MORC4: variants seen among roughly 807,000 people sequenced by gnomAD.
The protein encoded by MORC4 is MORC family CW-type zinc finger protein 4.
A neutral mutation model predicts 65.5 loss-of-function variants in MORC4; 22 were observed. The ratio of observed to expected loss-of-function variants is 0.34; its 90% CI spans 0.24 to 0.48. The LOEUF (loss-of-function observed/expected upper bound fraction) is 0.48. Ranked by LOEUF, MORC4 falls within the 20% of genes least tolerant of loss-of-function variation. The probability of loss-of-function intolerance (pLI) is 0.99; values close to 1 mark genes in which losing one functional copy is unlikely to be tolerated. For synonymous variants in MORC4, 267 were observed against 255.8 expected, an observed-to-expected ratio of 1.04 and a Z score of -0.42; for missense variants, 624 against 703.0, an observed-to-expected ratio of 0.89 and a Z score of 1.27.
chrX:106,960,477 T>C (rs1367377123), intron 10 of MORC4, among the ~76,000 whole-genome samples: 1 of 111,897 alleles, frequency 8.9e-6, no homozygotes, highest in Non-Finnish European at 1.9e-5. Context: ...ACCTTAGTTC[T>C]ACCACTTGCT....
At chrX:106,954,546 T>C (rs1363262157) in intron 14 of MORC4, among the ~76,000 whole-genome samples, 1 of 112,470 alleles carries the variant, frequency 8.9e-6, no homozygotes, top group Non-Finnish European at 1.9e-5. Flanking sequence ...TCAATATCCA[T>C]ATACTGAAGA....
rs758086567 is a variant in MORC4 at position 106,943,117 on chromosome X, T to C, written c.1774A>G (p.Met592Val). The C allele has an allele frequency of 8.3e-7, 1 of 1,211,070 alleles. No homozygotes were observed. The highest frequency in any genetic ancestry group is 1.1e-6 in the Non-Finnish European group (1 of 894,693). ...TCTACCCTCCTGTAAGGAGCAGGCA[T>C]GGAATAATCTAGAGAAGGTGTTGTC... is the stretch of plus-strand genomic sequence containing the variant. ...EMTTPSLDYS[M>V]PAPYRRVEAP... The change falls in exon 15 of 17, where the codon ATG (methionine) becomes GTG (valine). Residue 592 changes from methionine to valine, a missense_variant. Transcript: ENST00000355610.
chrX:106,976,546 C>A (rs1934628356), intron 9 of MORC4, 38 bp downstream of exon 9: 3 of 924,886 alleles, frequency 3.2e-6, no homozygotes, highest in Non-Finnish European at 1.6e-6. Context: ...CATATCTGAA[C>A]AAACTAACGG....
At chrX:106,949,761 C>G (rs1445186903) in intron 14 of MORC4, among the ~76,000 whole-genome samples, 1 of 112,327 alleles carries the variant, frequency 8.9e-6, no homozygotes. Context: ...TTACCCTTTT[C>G]CATTGAGTGT....
At chrX:106,952,617 C>A (rs1934001451) in intron 14 of MORC4, among the ~76,000 whole-genome samples, 1 of 111,759 alleles carries the variant, frequency 8.9e-6, no homozygotes, top group African/African-American at 3.3e-5. Flanking sequence ...ATTGCAGGTC[C>A]TCTCCTCCCC....
At chrX:106,972,707 G>A (rs1445710692) in intron 9 of MORC4, among the ~76,000 whole-genome samples, 1 of 111,815 alleles carries the variant, frequency 8.9e-6, no homozygotes, top group African/African-American at 3.3e-5. Flanking sequence ...GGGAGACCGA[G>A]GCAGGCAGAT....
At chrX:106,946,936 C>T (rs1298147377) in intron 14 of MORC4, among the ~76,000 whole-genome samples, 1 of 111,530 alleles carries the variant, frequency 9.0e-6, no homozygotes, top group Non-Finnish European at 1.9e-5. Context: ...GCCACCATGC[C>T]CAGCTTCTTT....
intron 14 of MORC4, among the ~76,000 whole-genome samples, chrX:106,947,221 A>G (rs1290831887): frequency 9.1e-6 from 1 of 110,109 alleles, no homozygotes; most frequent in African/African-American, 3.3e-5. Flanking sequence ...ATGATTGTCA[A>G]TATTTTTAAA....
At position 106,942,886 on chromosome X, in the gene MORC4, A is replaced by G. The variant is rs1189579747; in HGVS notation, c.2005T>C (p.Leu669=). Residue 669 remains leucine, a synonymous_variant, in exon 15 of 17, where the codon TTG becomes CTG. Coordinates refer to ENST00000355610, the MANE Select transcript of MORC4 (RefSeq NM_024657.5). The part of the protein sequence containing the change: ...PEELEDQMPR[L]VAEESNRGST... The stretch of plus-strand genomic sequence containing the variant: ...CCTCTGTTAGATTCTTCTGCCACCA[A>G]TCTTGGCATCTGATCTTCTAATTCT... 1.7e-6 allele frequency: 2 copies of G among 1,211,279 alleles called. No homozygotes were observed. Among genetic ancestry groups the G allele is most frequent in the African/African-American group, 3.5e-5 (2 of 57,722 alleles).
chrX:106,973,969 T>C (rs1192083807), intron 9 of MORC4, among the ~76,000 whole-genome samples: 1 of 112,155 alleles, frequency 8.9e-6, no homozygotes, highest in African/African-American at 3.2e-5. Flanking sequence ...AGCCACTAAG[T>C]TATGTGGTAA....
chrX:106,969,746 C>G (rs1393980068), intron 9 of MORC4, among the ~76,000 whole-genome samples: 1 of 111,621 alleles, frequency 9.0e-6, no homozygotes, highest in Non-Finnish European at 1.9e-5. Flanking sequence ...ATAAATTCCT[C>G]GACACATACA....
At chrX:106,989,372 A>G (rs1258204920) in intron 3 of MORC4, among the ~76,000 whole-genome samples, 1 of 112,298 alleles carries the variant, frequency 8.9e-6, no homozygotes, top group Non-Finnish European at 1.9e-5. Context: ...TTTGATTTTC[A>G]TGAAAGTCTA....
intron 2 of MORC4, among the ~76,000 whole-genome samples, chrX:106,995,491 C>T: frequency 8.9e-6 from 1 of 112,070 alleles, no homozygotes; most frequent in Middle Eastern, 4.8e-3. Flanking sequence ...TAGAACATTC[C>T]ACATAGTTTG....
chrX:106,972,579 T>C, intron 9 of MORC4, among the ~76,000 whole-genome samples: 1 of 111,771 alleles, frequency 8.9e-6, no homozygotes, highest in Admixed American at 9.5e-5. Flanking sequence ...TCTTGTTGGA[T>C]GACATGAATA....
intron 14 of MORC4, among the ~76,000 whole-genome samples, chrX:106,948,769 T>C (rs984647928): frequency 1.8e-5 from 2 of 111,865 alleles, no homozygotes; most frequent in East Asian, 5.6e-4. Context: ...TGCCTTCTTG[T>C]TCCCATTTTT....
intron 2 of MORC4, among the ~76,000 whole-genome samples, chrX:106,998,653 A>T (rs1331177620): frequency 8.9e-6 from 1 of 112,551 alleles, no homozygotes; most frequent in African/African-American, 3.2e-5. Flanking sequence ...CTAGGGTTCC[A>T]AACGTATCAA....
intron 14 of MORC4, among the ~76,000 whole-genome samples, chrX:106,945,458 G>GTGTGTC (rs1555981828): frequency 9.4e-6 from 1 of 106,150 alleles, no homozygotes; most frequent in Non-Finnish European, 1.9e-5. Flanking sequence ...GTGTGTGTGT[G>GTGTGTC]TCCTAGGTAC....
At chrX:106,942,293 T>C in intron 15 of MORC4, 72 bp from the exon 16 acceptor site, 1 of 1,090,126 alleles carries the variant, frequency 9.2e-7, no homozygotes, top group Non-Finnish European at 1.2e-6. Flanking sequence ...CATATGGTCA[T>C]CCTGTGATTC....
intron 3 of MORC4, among the ~76,000 whole-genome samples, chrX:106,987,119 A>G (rs1391964191): frequency 8.9e-6 from 1 of 112,025 alleles, no homozygotes; most frequent in Non-Finnish European, 1.9e-5. Flanking sequence ...GTACAAACTT[A>G]TAGTTAGATA....
Sources: gnomAD v4.1 joint callset for allele counts (sites outside exome capture counted in the v4.1 genomes callset) on GRCh38, gnomAD v4.1.1 for gene constraint, MANE v1.5 for transcripts, NCBI Gene and HGNC (gene_info 2026-07-23, HGNC 2026-07-21) for gene names.